Variants in RASSF8 observed in about 807,000 individuals in gnomAD.
RASSF8 encodes the protein Ras association domain family member 8.
Under a neutral mutation model 48.5 loss-of-function variants are expected in RASSF8, and 22 were observed. The observed-to-expected ratio is 0.45, with a 90% CI of 0.32 to 0.65. The LOEUF is 0.65. Among genes scored for constraint, RASSF8 ranks in the 30% least tolerant of loss-of-function variants. RASSF8 has a pLI of 0.03. For synonymous variants in RASSF8, 127 were observed against 171.5 expected (o/e 0.74, Z 2.03); for missense variants, 418 against 489.2 (o/e 0.85, Z 1.37).
At chr12:26,078,053 G>T (rs1451928790) in intron 5 of RASSF8, among the ~76,000 whole-genome samples, 1 of 152,168 alleles carries the variant, frequency 6.6e-6, no homozygotes, top group Non-Finnish European at 1.5e-5. Flanking sequence ...CTCTGATGAG[G>T]AGGTGAATTA....
chr12:26,065,519 C>T (rs1012360201), intron 4 of RASSF8, 132 bp downstream of exon 4: 12 of 1,213,086 alleles, frequency 9.9e-6, no homozygotes, highest in East Asian at 2.5e-5. Context: ...AAACTTTTGT[C>T]GAACTCTTGT....
At chr12:26,026,974 G>A in intron 2 of RASSF8, among the ~76,000 whole-genome samples, 1 of 152,088 alleles carries the variant, frequency 6.6e-6, no homozygotes, top group East Asian at 1.9e-4. Context: ...ATTCATAATA[G>A]CCAAAAATAG....
intron 2 of RASSF8, among the ~76,000 whole-genome samples, chr12:26,025,209 A>G (rs1462657514): frequency 6.6e-6 from 1 of 152,122 alleles, no homozygotes; most frequent in Non-Finnish European, 1.5e-5. Context: ...TGCCATTTCT[A>G]TTCAACATTG....
rs1052057103 is a variant in RASSF8 at position 26,068,980 on chromosome 12, T to A, written c.*162T>A. ...CTTGGAGCCATACCCTGTGCACTGA[T>A]GCTAAAGAACAAAGAAACTGTGTTT... On this transcript the variant is annotated 3_prime_UTR_variant, in exon 6 of 6. Transcript: ENST00000689635. The A allele has an allele frequency of 8.8e-6, 12 of 1,363,382 alleles. No individual in the cohort carries two copies. Among genetic ancestry groups the A allele is most frequent in the African/African-American group, 1.5e-5 (1 of 68,134 alleles). The allele number at this position is 1,363,382 out of a possible 1,614,324, so 84.5% of individuals were successfully genotyped here.
intron 4 of RASSF8, 96 bp from the exon 5 acceptor site, chr12:26,067,473 A>T: frequency 7.9e-7 from 1 of 1,272,214 alleles, no homozygotes; most frequent in Non-Finnish European, 1.1e-6. Flanking sequence ...CAGATGTTGC[A>T]CATTTAACCC....
intron 1 of RASSF8, among the ~76,000 whole-genome samples, chr12:25,965,184 G>A (rs556870925): frequency 1.6e-3 from 237 of 152,064 alleles, no homozygotes; most frequent in African/African-American, 5.5e-3. Flanking sequence ...CTCGTGATCC[G>A]CCTGCCTCGG....
intron 3 of RASSF8, among the ~76,000 whole-genome samples, chr12:26,058,493 C>T (rs986706889): frequency 6.6e-6 from 1 of 151,960 alleles, no homozygotes; most frequent in African/African-American, 2.4e-5. Flanking sequence ...TTTAAGTGCG[C>T]GTCTTTGCCT....
At chr12:26,072,947 A>G (rs1285916765), downstream of RASSF8, 1 of 510,786 alleles carries the variant, frequency 2.0e-6, no homozygotes, top group African/African-American at 2.1e-5. Flanking sequence ...TACCAAAGAG[A>G]ATAGTGGCAC....
chr12:26,021,905 C>A (rs142557121), intron 2 of RASSF8, among the ~76,000 whole-genome samples: 1 of 152,094 alleles, frequency 6.6e-6, no homozygotes, highest in Non-Finnish European at 1.5e-5. Flanking sequence ...CTTTCAGAAA[C>A]GAGAGGCTTT....
chr12:26,006,821 C>G (rs541205849), intron 2 of RASSF8, among the ~76,000 whole-genome samples: 1 of 152,216 alleles, frequency 6.6e-6, no homozygotes, highest in East Asian at 1.9e-4. Flanking sequence ...AGGTCACATT[C>G]ATCTTTCTTA....
chr12:26,070,870 T>C lies in RASSF8; in HGVS notation c.*2052T>C. ...TGCCTTGGCATACCACGAAAAACAC[T>C]GTCAATATCCAACTCATTATAAATT... On this transcript the variant is annotated 3_prime_UTR_variant, in exon 6 of 6. Coordinates refer to ENST00000689635, the MANE Select transcript of RASSF8 (RefSeq NM_001394098.1). 1 of 984,834 alleles carries C rather than the reference T, an allele frequency of 1.0e-6. No individual in the cohort carries two copies. Among genetic ancestry groups the C allele is most frequent in the Non-Finnish European group, 1.2e-6 (1 of 829,394 alleles). 61.0% of individuals were successfully genotyped at this position (984,834 alleles called of 1,614,324 possible).
At chr12:26,041,424 T>G (rs1049282281) in intron 2 of RASSF8, among the ~76,000 whole-genome samples, 1 of 152,200 alleles carries the variant, frequency 6.6e-6, no homozygotes, top group Non-Finnish European at 1.5e-5. Flanking sequence ...CAGAAATGCA[T>G]GAATCTCCTT....
At chr12:25,994,774 T>A (rs3803009) in intron 1 of RASSF8, among the ~76,000 whole-genome samples, 9,995 of 152,200 alleles carry the variant, frequency 0.066, 710 homozygotes, top group East Asian at 0.27. Flanking sequence ...TCAAATGACC[T>A]TTTATAGAAA....
At position 26,031,722 on chromosome 12, in the gene RASSF8, C is replaced by T. The variant is rs190937642; in HGVS notation, c.-108-23514C>T. ...AAAGGCACTTGTTAGGTAGGGTCTG[C>T]GGGATCAGAGTGGGAATGGGAGAAC... is the stretch of plus-strand genomic sequence containing the variant. On this transcript the variant is annotated intron_variant, in intron 2 of 5. Transcript: ENST00000689635. Among the ~76,000 whole-genome samples, 9 of 152,136 alleles carry T rather than the reference C, an allele frequency of 5.9e-5. No homozygotes were observed. The East Asian group carries it at 1.5e-3, about 26-fold the overall frequency.
chr12:25,995,638 A>G (rs887173749), intron 2 of RASSF8, among the ~76,000 whole-genome samples: 7 of 151,940 alleles, frequency 4.6e-5, no homozygotes, highest in Non-Finnish European at 1.0e-4. Context: ...AATGTCTATT[A>G]TTGGCTTCAT....
chr12:26,075,037 G>T (rs376450213), downstream of RASSF8, among the ~76,000 whole-genome samples: 4 of 152,342 alleles, frequency 2.6e-5, no homozygotes, highest in East Asian at 3.9e-4. Flanking sequence ...AGGCCAGAAA[G>T]ACTACTTAAG....
chr12:25,969,521 T>C (rs1019256052), intron 1 of RASSF8, among the ~76,000 whole-genome samples: 6 of 152,146 alleles, frequency 3.9e-5, no homozygotes, highest in African/African-American at 1.4e-4. Flanking sequence ...GAAGTAAGGC[T>C]AGAAGTAGAA....
chr12:25,960,783 C>T (rs1344694983), intron 1 of RASSF8, among the ~76,000 whole-genome samples: 1 of 152,060 alleles, frequency 6.6e-6, no homozygotes, highest in Non-Finnish European at 1.5e-5. Context: ...GCTTTAGTAG[C>T]TTAGGGGTGC....
chr12:26,059,557 A>G (rs1358417322), intron 3 of RASSF8, among the ~76,000 whole-genome samples: 4 of 152,206 alleles, frequency 2.6e-5, no homozygotes, highest in Non-Finnish European at 2.9e-5. Flanking sequence ...CTTTTAAAAA[A>G]TTATACTCTT....
Sources: gnomAD v4.1 joint callset for allele counts (sites outside exome capture counted in the v4.1 genomes callset) on GRCh38, gnomAD v4.1.1 for gene constraint, MANE v1.5 for transcripts, NCBI Gene and HGNC (gene_info 2026-07-23, HGNC 2026-07-21) for gene names.